CABIN1: variants seen among roughly 807,000 people sequenced by gnomAD.
CABIN1 encodes calcineurin binding protein 1, also known as calcineurin-binding protein cabin-1.
A neutral mutation model predicts 227.7 loss-of-function variants in CABIN1; 133 were observed. That is an observed-to-expected ratio of 0.58 (90% CI 0.51 to 0.67). The LOEUF (loss-of-function observed/expected upper bound fraction) is 0.67, where lower values mean the gene tolerates loss of function less well. Ranked by LOEUF, CABIN1 falls within the 30% of genes least tolerant of loss-of-function variation. The pLI is 0.00. For missense variants in CABIN1, 2,408 were observed against 2,852.5 expected, an observed-to-expected ratio of 0.84 and a Z score of 3.55; for synonymous variants, 1,086 against 1,155.1, an observed-to-expected ratio of 0.94 and a Z score of 1.21.
At chr22:24,049,336 GCTTCAT>G in intron 7 of CABIN1, 116 bp downstream of exon 7, 1 of 1,280,978 alleles carries the variant, frequency 7.8e-7, no homozygotes, top group Non-Finnish European at 1.1e-6. Context: ...GTGCTCTGGG[GCTTCAT>G]GCCCTGCCGC....
rs552904028 is a variant in CABIN1 at position 24,024,629 on chromosome 22, C to G, written c.-74-10815C>G. The stretch of plus-strand genomic sequence containing the variant: ...TTTTCTACCCCTTTCTCTCTTCTCC[C>G]TCAGATACTCATATGATACATACGT... On this transcript the variant is annotated intron_variant, in intron 1 of 36. Transcript: ENST00000263119. 1.6e-4 allele frequency among the ~76,000 whole-genome samples: 25 copies of G among 152,282 alleles called. No individual in the cohort carries two copies. The Middle Eastern group carries it at 0.014, about 83-fold the overall frequency.
chr22:24,151,628 G>A (rs1218573298), intron 29 of CABIN1, among the ~76,000 whole-genome samples: 2 of 152,070 alleles, frequency 1.3e-5, no homozygotes, highest in African/African-American at 2.4e-5. Flanking sequence ...GCATCCTATT[G>A]CCTCAGGGAG....
chr22:24,114,690 G>A (rs542617277), intron 27 of CABIN1, among the ~76,000 whole-genome samples: 4 of 152,338 alleles, frequency 2.6e-5, no homozygotes, highest in Admixed American at 6.5e-5. Flanking sequence ...CCCAGGCCTT[G>A]TCCCAGGAAG....
At chr22:24,115,718 C>G (rs925399200) in intron 27 of CABIN1, among the ~76,000 whole-genome samples, 1 of 152,196 alleles carries the variant, frequency 6.6e-6, no homozygotes, top group South Asian at 2.1e-4. Context: ...CTTGAGCAGC[C>G]TTTGGCCTCC....
At chr22:24,144,470 G>C (rs1427583195) in intron 29 of CABIN1, among the ~76,000 whole-genome samples, 1 of 152,196 alleles carries the variant, frequency 6.6e-6, no homozygotes, top group African/African-American at 2.4e-5. Context: ...ACTCTCAAGG[G>C]GTGCCCAGGT....
In CABIN1 at chr22:24,084,686, C is replaced by T. The variant is rs948475816; in HGVS notation, c.3018C>T (p.Ala1006=). 7 of 1,614,048 alleles carry T rather than the reference C, an allele frequency of 4.3e-6. No homozygotes were observed. The highest frequency in any genetic ancestry group is 1.6e-4 in the Middle Eastern group (1 of 6,084). Residue 1006 remains alanine, a synonymous_variant, in exon 21 of 37, where the codon GCC becomes GCT. Transcript: ENST00000263119. ...YKTSTVSADL[A]NLLKRIATIV... ...CCAGCACCGTGTCTGCTGACTTGGCCAACCTACTGAAGAGAATTGCCACCA... is the reference window on the plus strand; with the variant it reads ...CCAGCACCGTGTCTGCTGACTTGGCTAACCTACTGAAGAGAATTGCCACCA...
chr22:24,128,983 G>A (rs905260659), intron 28 of CABIN1, among the ~76,000 whole-genome samples: 2 of 152,240 alleles, frequency 1.3e-5, no homozygotes, highest in African/African-American at 4.8e-5. Flanking sequence ...ATCATTGGTT[G>A]TGGCAGGGAG....
intron 8 of CABIN1, among the ~76,000 whole-genome samples, chr22:24,054,008 C>T (rs1039405975): frequency 1.3e-5 from 2 of 152,054 alleles, no homozygotes; most frequent in African/African-American, 4.8e-5. Context: ...TGCATCTGGG[C>T]AGAAGGAAGC....
chr22:24,061,825 G>T, intron 12 of CABIN1, 122 bp from the exon 13 acceptor site: 1 of 745,286 alleles, frequency 1.3e-6, no homozygotes, highest in Non-Finnish European at 2.4e-6. Flanking sequence ...ATGGCAAGTG[G>T]ATAGAAAGAA....
chr22:24,054,831 C>G (rs368136585), intron 8 of CABIN1, 42 bp from the exon 9 acceptor site: 1 of 1,613,814 alleles, frequency 6.2e-7, no homozygotes, highest in African/African-American at 1.3e-5. Flanking sequence ...GAGTATTCCT[C>G]TGACAGGGTG....
chr22:24,054,133 G>T (rs866120169), intron 8 of CABIN1, among the ~76,000 whole-genome samples: 6 of 152,182 alleles, frequency 3.9e-5, no homozygotes, highest in Non-Finnish European at 7.4e-5. Context: ...AGCACCATGA[G>T]GCCAGGCTGA....
At chr22:24,168,059 C>T (rs755496305) in intron 32 of CABIN1, among the ~76,000 whole-genome samples, 17 of 152,212 alleles carry the variant, frequency 1.1e-4, no homozygotes, top group Admixed American at 3.3e-4. Flanking sequence ...GGTTGGAGCC[C>T]TTGAGTCTGC....
At chr22:24,053,078 C>CT (rs71184943) in intron 8 of CABIN1, among the ~76,000 whole-genome samples, 1,705 of 131,230 alleles carry the variant, frequency 0.013, 11 homozygotes, top group Middle Eastern at 0.02. Flanking sequence ...TTTCTTTTTT[C>CT]TTTTTTTTTT....
chr22:24,088,110 G>T (rs1021034995), intron 23 of CABIN1, among the ~76,000 whole-genome samples: 6 of 152,132 alleles, frequency 3.9e-5, no homozygotes, highest in African/African-American at 9.7e-5. Flanking sequence ...CTTGGTAGGG[G>T]ATTACACTAG....
At chr22:24,072,264 C>T in intron 17 of CABIN1, 90 bp from the exon 18 acceptor site, 1 of 1,412,364 alleles carries the variant, frequency 7.1e-7, no homozygotes, top group Non-Finnish European at 9.9e-7. Flanking sequence ...CACATACCAG[C>T]TCCCCAAGAG....
intron 6 of CABIN1, among the ~76,000 whole-genome samples, chr22:24,046,899 C>G (rs12168123): frequency 2.6e-4 from 39 of 152,108 alleles, no homozygotes; most frequent in Admixed American, 7.9e-4. Context: ...GTAGAAAACC[C>G]CCCCCACCGC....
At chr22:24,124,117 G>A (rs765231891) in intron 28 of CABIN1, among the ~76,000 whole-genome samples, 1 of 152,278 alleles carries the variant, frequency 6.6e-6, no homozygotes, top group Non-Finnish European at 1.5e-5. Context: ...CCTCACCTGG[G>A]TTCAGATCCT....
rs2042913209 is a variant in CABIN1 at position 24,113,443 on chromosome 22, C to T, written c.4118-123C>T. ...CCCAGCAGTGTCGAATGGCTGTGTTCAGGCCATCTCCTGCAAAGCAGTCCC... is the reference window on the plus strand; with the variant it reads ...CCCAGCAGTGTCGAATGGCTGTGTTTAGGCCATCTCCTGCAAAGCAGTCCC... On this transcript the variant is annotated intron_variant, in intron 26 of 36. Coordinates refer to ENST00000263119, the MANE Select transcript of CABIN1 (RefSeq NM_012295.4). 18 of 904,866 alleles carry T rather than the reference C, an allele frequency of 2.0e-5. No individual in the cohort carries two copies. In the Admixed American group the frequency reaches 2.9e-4, roughly 15 times the overall value. 56.1% of individuals were successfully genotyped at this position (904,866 alleles called of 1,614,324 possible).
Position 24,038,537 on chromosome 22 carries a change from A to G in CABIN1, c.210+76A>G. On this transcript the variant is annotated intron_variant, in intron 4 of 36. Transcript: ENST00000263119. The stretch of plus-strand genomic sequence containing the variant: ...TGTGGGGCTGGGTACTCTGGGCCTT[A>G]CCTCTGCTCTCCCATTTCTTGGCTG... 3 of 989,616 alleles carry G rather than the reference A, an allele frequency of 3.0e-6. No individual in the cohort carries two copies. The South Asian group carries it at 3.8e-5, about 13-fold the overall frequency. 61.3% of individuals were successfully genotyped at this position (989,616 alleles called of 1,614,324 possible). A position where few individuals can be genotyped will look rare whatever the true frequency, so the allele number is the denominator to read the frequency against.
Sources: gnomAD v4.1 joint callset for allele counts (sites outside exome capture counted in the v4.1 genomes callset) on GRCh38, gnomAD v4.1.1 for gene constraint, MANE v1.5 for transcripts, NCBI Gene and HGNC (gene_info 2026-07-23, HGNC 2026-07-21) for gene names.